The following SNX6 variants were observed in gnomAD, a reference collection of about 807,000 sequenced individuals.
SNX6 encodes the protein sorting nexin-6.
Under a neutral mutation model 63.0 loss-of-function variants are expected in SNX6, and 34 were observed. The observed-to-expected ratio is 0.54, with a 90% CI of 0.41 to 0.72. The LOEUF (loss-of-function observed/expected upper bound fraction) is 0.72. SNX6 is among the 30% of genes least tolerant of loss of function. The pLI is 0.00. For synonymous variants in SNX6, 170 were observed against 164.2 expected, an observed-to-expected ratio of 1.04 and a Z score of -0.27; for missense variants, 398 against 471.4, an observed-to-expected ratio of 0.84 and a Z score of 1.44.
At chr14:34,605,104 C>G (rs766852487) in intron 5 of SNX6, among the ~76,000 whole-genome samples, 1 of 151,996 alleles carries the variant, frequency 6.6e-6, no homozygotes, top group Non-Finnish European at 1.5e-5. Flanking sequence ...TACATACATA[C>G]GCAGTTTTTA....
chr14:34,607,783 T>C (rs1199772301), intron 4 of SNX6, among the ~76,000 whole-genome samples: 1 of 151,758 alleles, frequency 6.6e-6, no homozygotes, highest in Non-Finnish European at 1.5e-5. Context: ...TGGTGCATTA[T>C]TGTAATCCCA....
intron 3 of SNX6, 96 bp from the exon 4 acceptor site, chr14:34,608,236 C>T (rs542014445): frequency 7.4e-5 from 44 of 597,904 alleles, no homozygotes; most frequent in African/African-American, 3.6e-4. Flanking sequence ...GGAGTGCAGT[C>T]GAACAATCTC....
intron 1 of SNX6, 66 bp from the exon 2 acceptor site, chr14:34,630,020 A>AT (rs1883982752): frequency 6.8e-7 from 1 of 1,475,936 alleles, no homozygotes; most frequent in Non-Finnish European, 8.9e-7. Flanking sequence ...AAAGGGAGAC[A>AT]TTAGTGACAG....
chr14:34,572,052 G>A (rs1209604805), intron 11 of SNX6, among the ~76,000 whole-genome samples: 1 of 151,174 alleles, frequency 6.6e-6, no homozygotes, highest in Non-Finnish European at 1.5e-5. Context: ...AGTATATTTC[G>A]CCTTTTAAGA....
chr14:34,600,509 C>T (rs535185258), intron 6 of SNX6, among the ~76,000 whole-genome samples: 235 of 151,850 alleles, frequency 1.5e-3, no homozygotes, highest in African/African-American at 5.6e-3. Context: ...AACTCCTTGG[C>T]TCAAGCAATC....
intron 2 of SNX6, among the ~76,000 whole-genome samples, chr14:34,617,440 G>A (rs975300059): frequency 6.6e-6 from 1 of 151,910 alleles, no homozygotes; most frequent in East Asian, 1.9e-4. Context: ...AGGAGTTCGA[G>A]ACCAGCATGG....
chr14:34,585,567 T>A (rs931419108), intron 9 of SNX6, among the ~76,000 whole-genome samples: 1 of 152,120 alleles, frequency 6.6e-6, no homozygotes, highest in African/African-American at 2.4e-5. Context: ...GCATCCAGGC[T>A]GCCAATAGAA....
At chr14:34,586,910 GAGGC>G (rs1390745936) in intron 8 of SNX6, among the ~76,000 whole-genome samples, 3 of 147,424 alleles carry the variant, frequency 2.0e-5, no homozygotes, top group Admixed American at 6.9e-5. Context: ...TGGAAAGGCT[GAGGC>G]AGGAGAATGG....
chr14:34,571,252 T>C (rs1881440340), intron 11 of SNX6, among the ~76,000 whole-genome samples: 1 of 151,038 alleles, frequency 6.6e-6, no homozygotes, highest in East Asian at 2.0e-4. Flanking sequence ...GCTAAAACGG[T>C]GAAACCCCGT....
chr14:34,611,609 C>A (rs139082333), intron 2 of SNX6, among the ~76,000 whole-genome samples: 2,704 of 151,396 alleles, frequency 0.018, 72 homozygotes, highest in African/African-American at 0.061. Context: ...TGGTGAAACC[C>A]CATCTCTACT....
chr14:34,584,142 C>T lies in SNX6; in HGVS notation c.794+2088G>A, dbSNP rs1256705043. Among the ~76,000 whole-genome samples the T allele has an allele frequency of 5.3e-5, 8 of 152,086 alleles. No individual in the cohort carries two copies. In the East Asian group the frequency reaches 7.7e-4, roughly 15 times the overall value. On this transcript the variant is annotated intron_variant, in intron 9 of 13. Coordinates refer to ENST00000362031, the MANE Select transcript of SNX6 (RefSeq NM_152233.4). ...GATTACAGGTGTGAGCCACTGTGCCCGGCTGGTGGCATTTTAATTAGTGTA... is the reference window on the plus strand; with the variant it reads ...GATTACAGGTGTGAGCCACTGTGCCTGGCTGGTGGCATTTTAATTAGTGTA...
intron 2 of SNX6, among the ~76,000 whole-genome samples, chr14:34,621,886 G>A (rs1230698570): frequency 2.0e-5 from 3 of 151,070 alleles, no homozygotes; most frequent in African/African-American, 7.3e-5. Flanking sequence ...TTTCTGAAAG[G>A]AAGCATCAAT....
chr14:34,563,655 CAT>C (rs1052759226), intron 13 of SNX6, among the ~76,000 whole-genome samples: 1 of 151,764 alleles, frequency 6.6e-6, no homozygotes, highest in African/African-American at 2.4e-5. Context: ...ATTATATACA[CAT>C]AAAGGTTTAA....
chr14:34,609,038 GTAA>G (rs1481068746), intron 3 of SNX6, among the ~76,000 whole-genome samples: 1 of 150,780 alleles, frequency 6.6e-6, no homozygotes, highest in African/African-American at 2.4e-5. Flanking sequence ...AAAAAAAATA[GTAA>G]TAATAATTAT....
At position 34,600,497 on chromosome 14, in the gene SNX6, C is replaced by T. The variant is rs540871268; in HGVS notation, c.516+2851G>A. On this transcript the variant is annotated intron_variant, in intron 6 of 13. Transcript: ENST00000362031. Reference sequence around the variant, plus strand: ...CTCACTATGTTGCCCAGGCTGGTCTCGAACTCCTTGGCTCAAGCAATCCTC... The same window carrying T: ...CTCACTATGTTGCCCAGGCTGGTCTTGAACTCCTTGGCTCAAGCAATCCTC... Among the ~76,000 whole-genome samples the T allele has an allele frequency of 1.9e-4, 28 of 151,328 alleles. No homozygotes were observed. The East Asian group carries it at 3.5e-3, about 19-fold the overall frequency.
At chr14:34,611,682 G>A (rs1271380197) in intron 2 of SNX6, among the ~76,000 whole-genome samples, 7 of 150,232 alleles carry the variant, frequency 4.7e-5, no homozygotes, top group Non-Finnish European at 7.4e-5. Context: ...CTTGGGAGGC[G>A]GAGGTTGCGC....
At chr14:34,599,025 A>G (rs2138333650) in intron 6 of SNX6, among the ~76,000 whole-genome samples, 1 of 152,298 alleles carries the variant, frequency 6.6e-6, no homozygotes, top group East Asian at 1.9e-4. Context: ...ATGTGAGGAC[A>G]CAACAAAAAG....
intron 2 of SNX6, among the ~76,000 whole-genome samples, chr14:34,619,260 A>C (rs752094764): frequency 6.6e-6 from 1 of 152,054 alleles, no homozygotes; most frequent in Non-Finnish European, 1.5e-5. Context: ...CATCTCTACT[A>C]AAAATACAAA....
chr14:34,628,620 T>C (rs932142353), intron 2 of SNX6, among the ~76,000 whole-genome samples: 1 of 152,168 alleles, frequency 6.6e-6, no homozygotes. Context: ...CAAAGGGAGA[T>C]ACTGTCTCAT....
Sources: gnomAD v4.1 joint callset for allele counts (sites outside exome capture counted in the v4.1 genomes callset) on GRCh38, gnomAD v4.1.1 for gene constraint, MANE v1.5 for transcripts, NCBI Gene and HGNC (gene_info 2026-07-23, HGNC 2026-07-21) for gene names.